Variants in IMMP2L observed in about 807,000 individuals in gnomAD.
The protein encoded by IMMP2L is mitochondrial inner membrane protease subunit 2.
In IMMP2L, 18 loss-of-function variants were observed where a neutral mutation model predicts 19.3. The observed-to-expected ratio is 0.93, with a 90% confidence interval of 0.64 to 1.38. The LOEUF (loss-of-function observed/expected upper bound fraction) is 1.38. Among genes scored for constraint, IMMP2L ranks in the 40% most tolerant of loss-of-function variants. IMMP2L has a pLI of 0.00. For synonymous variants in IMMP2L, 76 were observed against 73.0 expected (o/e 1.04, Z -0.21); for missense variants, 233 against 218.2 (o/e 1.07, Z -0.43).
At chr7:111,225,028 G>C (rs1247001872) in intron 3 of IMMP2L, among the ~76,000 whole-genome samples, 1 of 152,132 alleles carries the variant, frequency 6.6e-6, no homozygotes, top group East Asian at 1.9e-4. Context: ...TTAAGGAACA[G>C]CACTCCTGGT....
chr7:111,453,686 T>G (rs1839426116), intron 3 of IMMP2L, among the ~76,000 whole-genome samples: 1 of 152,150 alleles, frequency 6.6e-6, no homozygotes, highest in South Asian at 2.1e-4. Context: ...AAGGATGATT[T>G]TGGGAAGTCC....
chr7:111,397,206 T>A (rs1832965977), intron 3 of IMMP2L, among the ~76,000 whole-genome samples: 1 of 152,192 alleles, frequency 6.6e-6, no homozygotes, highest in Non-Finnish European at 1.5e-5. Flanking sequence ...ATATACTATA[T>A]TTTTCAAATA....
At chr7:111,534,299 T>C (rs1847675357) in intron 1 of IMMP2L, among the ~76,000 whole-genome samples, 2 of 152,050 alleles carry the variant, frequency 1.3e-5, no homozygotes, top group African/African-American at 2.4e-5. Context: ...ATGACATGCA[T>C]ACAGTAGAGT....
chr7:111,137,885 C>T (rs1339972427), intron 3 of IMMP2L, among the ~76,000 whole-genome samples: 1 of 152,200 alleles, frequency 6.6e-6, no homozygotes, highest in Non-Finnish European at 1.5e-5. Context: ...AGTACAGTGA[C>T]ATGATCTCAG....
chr7:111,135,772 C>T (rs1802277094), intron 3 of IMMP2L, among the ~76,000 whole-genome samples: 1 of 152,162 alleles, frequency 6.6e-6, no homozygotes, highest in African/African-American at 2.4e-5. Flanking sequence ...CTCCCAAATA[C>T]ACTATTACAA....
At chr7:111,289,551 A>G (rs1820865427) in intron 3 of IMMP2L, among the ~76,000 whole-genome samples, 1 of 152,124 alleles carries the variant, frequency 6.6e-6, no homozygotes, top group African/African-American at 2.4e-5. Flanking sequence ...CTGAAATTAT[A>G]ATGAGCAAAT....
intron 5 of IMMP2L, among the ~76,000 whole-genome samples, chr7:110,769,803 CA>C (rs1312472060): frequency 6.6e-6 from 1 of 152,136 alleles, no homozygotes; most frequent in Admixed American, 6.6e-5. Context: ...ACTGCTGACC[CA>C]ATAAGTGAGT....
chr7:111,406,880 AAAG>A (rs1345952576), intron 3 of IMMP2L, among the ~76,000 whole-genome samples: 1 of 152,022 alleles, frequency 6.6e-6, no homozygotes, highest in Non-Finnish European at 1.5e-5. Context: ...ACAGGCAGAG[AAAG>A]AAGCTGAATT....
chr7:111,550,301 G>A (rs1849330279), intron 1 of IMMP2L, among the ~76,000 whole-genome samples: 1 of 152,110 alleles, frequency 6.6e-6, no homozygotes, highest in Admixed American at 6.5e-5. Context: ...GGGGTTAGGA[G>A]AAGGGAGGGA....
At chr7:111,048,763 G>C (rs13238719) in intron 3 of IMMP2L, among the ~76,000 whole-genome samples, 142,253 of 152,230 alleles carry the variant, frequency 0.93, 66,714 homozygotes, top group East Asian at 0.99. Flanking sequence ...AACTTGGTCA[G>C]AGCAGGATAT....
At chr7:111,073,809 T>C (rs981946666) in intron 3 of IMMP2L, among the ~76,000 whole-genome samples, 6 of 152,242 alleles carry the variant, frequency 3.9e-5, no homozygotes, top group Admixed American at 1.3e-4. Context: ...AGGAAGATAC[T>C]ACTTATTTCT....
At chr7:111,016,354 T>A (rs1825534810) in intron 3 of IMMP2L, among the ~76,000 whole-genome samples, 1 of 143,266 alleles carries the variant, frequency 7.0e-6, no homozygotes, top group Non-Finnish European at 1.5e-5. Flanking sequence ...AATTTATATA[T>A]AAATTAATAT....
chr7:111,097,630 A>T (rs1797541888), intron 3 of IMMP2L, among the ~76,000 whole-genome samples: 1 of 151,960 alleles, frequency 6.6e-6, no homozygotes, highest in Admixed American at 6.6e-5. Context: ...TTTTTCAAAC[A>T]TACAATTCAT....
chr7:111,124,473 A>G, intron 3 of IMMP2L: 1 of 1,613,962 alleles, frequency 6.2e-7, no homozygotes, highest in Non-Finnish European at 8.5e-7. Flanking sequence ...ATGCTGCGCA[A>G]AGTGCTCGAA....
At chr7:111,192,255 ATAT>A (rs1241347694) in intron 3 of IMMP2L, among the ~76,000 whole-genome samples, 1 of 152,146 alleles carries the variant, frequency 6.6e-6, no homozygotes. Context: ...ATATTCCCAT[ATAT>A]TATTTAATGT....
intron 4 of IMMP2L, among the ~76,000 whole-genome samples, chr7:110,926,238 G>A (rs1814837107): frequency 1.3e-5 from 2 of 151,902 alleles, no homozygotes; most frequent in African/African-American, 4.8e-5. Flanking sequence ...TATTTATAAA[G>A]GTGTTCTTTT....
intron 3 of IMMP2L, among the ~76,000 whole-genome samples, chr7:111,134,169 T>A (rs950876473): frequency 1.3e-5 from 2 of 152,076 alleles, no homozygotes; most frequent in African/African-American, 4.8e-5. Context: ...TAGAGTTTAA[T>A]GAGTATATAA....
At chr7:110,813,755 T>TTC (rs1441166120) in intron 5 of IMMP2L, among the ~76,000 whole-genome samples, 2 of 151,566 alleles carry the variant, frequency 1.3e-5, no homozygotes, top group Non-Finnish European at 2.9e-5. Context: ...AGGATTTTTT[T>TTC]TTTTTACTTT....
chr7:111,557,310 C>T (rs1003465405), intron 1 of IMMP2L, among the ~76,000 whole-genome samples: 1 of 152,152 alleles, frequency 6.6e-6, no homozygotes, highest in African/African-American at 2.4e-5. Context: ...CTCACTACTA[C>T]ACATGGTATA....
Sources: allele counts gnomAD v4.1 joint callset (sites outside exome capture counted in the v4.1 genomes callset), GRCh38; gene constraint gnomAD v4.1.1; transcripts MANE v1.5; gene names NCBI Gene and HGNC (gene_info 2026-07-23, HGNC 2026-07-21).